The following SLC25A48 variants were observed in gnomAD, a reference collection of about 807,000 sequenced individuals.
The protein encoded by SLC25A48 is CTC-321K16.1.
SLC25A48 carries 29 observed loss-of-function variants against 32.2 expected under a neutral mutation model. The ratio of observed to expected loss-of-function variants is 0.90; its 90% CI spans 0.67 to 1.23. The LOEUF (loss-of-function observed/expected upper bound fraction) is 1.23. Among genes scored for constraint, SLC25A48 ranks in the 50% most tolerant of loss-of-function variants. The probability of loss-of-function intolerance (pLI) is 0.00; values close to 1 mark genes in which losing one functional copy is unlikely to be tolerated. For missense variants in SLC25A48, 399 were observed against 422.7 expected, an observed-to-expected ratio of 0.94 and a Z score of 0.49; for synonymous variants, 164 against 172.3, an observed-to-expected ratio of 0.95 and a Z score of 0.38.
intron 2 of SLC25A48, among the ~76,000 whole-genome samples, chr5:135,848,269 G>C (rs1341334673): frequency 2.6e-5 from 4 of 152,136 alleles, no homozygotes; most frequent in Admixed American, 2.6e-4. Context: ...TGTTGCAGGG[G>C]GTGGGTGGCA....
At chr5:135,612,434 AT>A (rs1752095082) in intron 1 of SLC25A48, among the ~76,000 whole-genome samples, 1 of 152,120 alleles carries the variant, frequency 6.6e-6, no homozygotes, top group Admixed American at 6.5e-5. Flanking sequence ...CATACAATTT[AT>A]TGTTCTTAAC....
chr5:135,842,888 A>G (rs941384753), intron 2 of SLC25A48, among the ~76,000 whole-genome samples: 2 of 152,212 alleles, frequency 1.3e-5, no homozygotes, highest in African/African-American at 4.8e-5. Context: ...ACCCGTCCCC[A>G]GTGGTGAGCA....
intron 6 of SLC25A48, among the ~76,000 whole-genome samples, chr5:135,878,112 C>A (rs1043653979): frequency 5.3e-5 from 8 of 152,192 alleles, no homozygotes; most frequent in African/African-American, 1.9e-4. Context: ...TCTGAAAGCT[C>A]TGGGTAAAAG....
At chr5:135,859,371 C>T (rs1052420561) in intron 4 of SLC25A48, among the ~76,000 whole-genome samples, 4 of 152,084 alleles carry the variant, frequency 2.6e-5, no homozygotes, top group Admixed American at 1.3e-4. Context: ...ATCATGAGAA[C>T]AGCATGGGAA....
At chr5:135,882,103 C>G (rs1327144009) in intron 7 of SLC25A48, among the ~76,000 whole-genome samples, 1 of 152,214 alleles carries the variant, frequency 6.6e-6, no homozygotes, top group Non-Finnish European at 1.5e-5. Context: ...CAATTGGAAG[C>G]TTTTCTTTCT....
chr5:135,625,892 G>A (rs1270928733), intron 1 of SLC25A48, among the ~76,000 whole-genome samples: 2 of 152,090 alleles, frequency 1.3e-5, no homozygotes, highest in Non-Finnish European at 2.9e-5. Context: ...ACACATTCTG[G>A]GAATGCAGCC....
intron 3 of SLC25A48, among the ~76,000 whole-genome samples, chr5:135,682,534 T>G (rs59877050): frequency 0.011 from 1,639 of 152,342 alleles, 25 homozygotes; most frequent in African/African-American, 0.037. Context: ...CTTGCATACA[T>G]ATGTGCCTTT....
At chr5:135,611,334 A>C (rs1752058046) in intron 1 of SLC25A48, among the ~76,000 whole-genome samples, 1 of 151,058 alleles carries the variant, frequency 6.6e-6, no homozygotes, top group Non-Finnish European at 1.5e-5. Flanking sequence ...ACATGGCGAA[A>C]CCTTGTTTCT....
At chr5:135,865,857 A>G (rs1761160516) in intron 4 of SLC25A48, among the ~76,000 whole-genome samples, 1 of 152,238 alleles carries the variant, frequency 6.6e-6, no homozygotes, top group South Asian at 2.1e-4. Flanking sequence ...TCGTGGACTA[A>G]GAAAACAAAT....
At chr5:135,722,506 T>C (rs1200052371) in intron 3 of SLC25A48, among the ~76,000 whole-genome samples, 1 of 152,218 alleles carries the variant, frequency 6.6e-6, no homozygotes, top group East Asian at 1.9e-4. Context: ...TTTTTTATTA[T>C]GGTGAACAGG....
intron 4 of SLC25A48, among the ~76,000 whole-genome samples, chr5:135,829,348 T>C (rs1195024359): frequency 1.3e-5 from 2 of 152,216 alleles, no homozygotes; most frequent in African/African-American, 4.8e-5. Flanking sequence ...TCCACTGACC[T>C]GCCTGGCCTT....
chr5:135,846,714 A>G (rs1759452337), intron 2 of SLC25A48, among the ~76,000 whole-genome samples: 1 of 152,206 alleles, frequency 6.6e-6, no homozygotes, highest in Non-Finnish European at 1.5e-5. Flanking sequence ...ATGATCTTCA[A>G]GATGTATCCA....
At chr5:135,871,401 G>A (rs754626775) in intron 4 of SLC25A48, 60 bp from the exon 5 acceptor site, 288 of 1,527,232 alleles carry the variant, frequency 1.9e-4, no homozygotes, top group Non-Finnish European at 2.4e-4. Context: ...CCAGTGTCAC[G>A]GAATGTCCAG....
In SLC25A48 at chr5:135,883,326, C is replaced by T. The variant is rs192363259; in HGVS notation, c.*7+3229C>T. 88 of 985,458 alleles carry T rather than the reference C, an allele frequency of 8.9e-5. No homozygotes were observed. The Admixed American group carries it at 2.0e-3, about 23-fold the overall frequency. 61.0% of individuals were successfully genotyped at this position (985,458 alleles called of 1,614,324 possible). A position where few individuals can be genotyped will look rare whatever the true frequency, so the allele number is the denominator to read the frequency against. ...GGACCTGCACCTGGTAACAAACAAACGAACAGAACAAAACAAAACTGGAGT... is the reference window on the plus strand; with the variant it reads ...GGACCTGCACCTGGTAACAAACAAATGAACAGAACAAAACAAAACTGGAGT... On this transcript the variant is annotated intron_variant, in intron 7 of 7. Coordinates refer to ENST00000681962, the MANE Select transcript of SLC25A48 (RefSeq NM_001349336.2).
chr5:135,593,842 T>A (rs898191796), intron 1 of SLC25A48, among the ~76,000 whole-genome samples: 2 of 152,238 alleles, frequency 1.3e-5, no homozygotes, highest in Admixed American at 6.5e-5. Context: ...GAGGAAGAGT[T>A]AATGGGGACA....
At chr5:135,653,906 A>G (rs914582589) in intron 3 of SLC25A48, 1 of 456,138 alleles carries the variant, frequency 2.2e-6, no homozygotes, top group African/African-American at 2.0e-5. Flanking sequence ...GCATATACTC[A>G]GGGTTCTCAT....
intron 3 of SLC25A48, among the ~76,000 whole-genome samples, chr5:135,702,490 C>T (rs750051036): frequency 7.9e-5 from 12 of 152,232 alleles, no homozygotes; most frequent in African/African-American, 1.4e-4. Context: ...GGACCTTCAG[C>T]GTGAACACGG....
intron 3 of SLC25A48, among the ~76,000 whole-genome samples, chr5:135,758,444 A>G (rs936799378): frequency 6.6e-6 from 1 of 150,890 alleles, no homozygotes; most frequent in African/African-American, 2.4e-5. Flanking sequence ...ATATACTGAG[A>G]TATTAATAGA....
At chr5:135,746,253 AC>A (rs1250150595) in intron 3 of SLC25A48, 5 of 163,978 alleles carry the variant, frequency 3.0e-5, no homozygotes, top group Non-Finnish European at 5.2e-5. Flanking sequence ...CCTTTTTCTT[AC>A]CCGGGTCTGG....
Sources: gnomAD v4.1 joint callset for allele counts (sites outside exome capture counted in the v4.1 genomes callset) on GRCh38, gnomAD v4.1.1 for gene constraint, MANE v1.5 for transcripts, NCBI Gene and HGNC (gene_info 2026-07-23, HGNC 2026-07-21) for gene names.